The following SYNE1 variants were observed in gnomAD, a reference collection of about 807,000 sequenced individuals.
SYNE1 encodes the protein spectrin repeat containing nuclear envelope protein 1, also known as nesprin-1.
A neutral mutation model predicts 1,111.0 loss-of-function variants in SYNE1; 616 were observed. That is an observed-to-expected ratio of 0.55 (90% confidence interval 0.52 to 0.59). The LOEUF (loss-of-function observed/expected upper bound fraction) is 0.59. SYNE1 is among the 20% of genes least tolerant of loss of function. The pLI is 0.00. For synonymous variants in SYNE1, 3,855 were observed against 3,825.8 expected, an observed-to-expected ratio of 1.01 and a Z score of -0.28; for missense variants, 10,006 against 10,417.0, an observed-to-expected ratio of 0.96 and a Z score of 1.72.
intron 87 of SYNE1, among the ~76,000 whole-genome samples, chr6:152,312,554 G>GAT (rs201227923): frequency 2.6e-4 from 39 of 147,240 alleles, no homozygotes; most frequent in Middle Eastern, 3.6e-3. Flanking sequence ...ATATAGTAAG[G>GAT]ATATATATAT....
chr6:152,318,357 AT>A, intron 85 of SYNE1, 94 bp from the exon 86 acceptor site: 1 of 1,265,730 alleles, frequency 7.9e-7, no homozygotes. Context: ...AAAGCCAAAT[AT>A]TATAATGAAT....
In SYNE1 at chr6:152,398,700, CA is replaced by C; in HGVS notation, c.7268del (p.Leu2423TrpfsTer20). The C allele has an allele frequency of 6.2e-7, 1 of 1,613,656 alleles. No homozygotes were observed. Among genetic ancestry groups the C allele is most frequent in the Non-Finnish European group, 8.5e-7 (1 of 1,179,800 alleles). The stretch of plus-strand genomic sequence containing the variant: ...ATTCTTTTGCTGCTGCCTTTGCTCC[CA>C]AAAACCATTCTTGGAATTCCTGCAT... ...ESMQEFQEWF[L>X]GAKAAAKESS... is the part of the protein sequence containing the mutation. On this transcript the variant is annotated frameshift_variant, in exon 49 of 146. Coordinates refer to ENST00000367255, the MANE Select transcript of SYNE1 (RefSeq NM_182961.4). LOFTEE classifies it high-confidence loss of function.
intron 129 of SYNE1, 105 bp from the exon 130 acceptor site, chr6:152,176,665 T>C: frequency 8.5e-7 from 1 of 1,170,512 alleles, no homozygotes; most frequent in South Asian, 1.2e-5. Flanking sequence ...TGCTTGGAAG[T>C]AGTTTGAGCA....
intron 97 of SYNE1, among the ~76,000 whole-genome samples, chr6:152,279,195 T>C (rs1227514025): frequency 2.1e-5 from 3 of 142,156 alleles, no homozygotes; most frequent in African/African-American, 5.2e-5. Flanking sequence ...AAATGGAGAC[T>C]AAATTAGAGA....
chr6:152,563,556 T>C (rs1156373878), intron 3 of SYNE1, among the ~76,000 whole-genome samples: 1 of 152,190 alleles, frequency 6.6e-6, no homozygotes, highest in African/African-American at 2.4e-5. Flanking sequence ...TATCAACTCA[T>C]CACATTGCAC....
At chr6:152,243,811 C>G (rs2086393463) in intron 106 of SYNE1, among the ~76,000 whole-genome samples, 1 of 152,206 alleles carries the variant, frequency 6.6e-6, no homozygotes, top group African/African-American at 2.4e-5. Context: ...TGACTGTACA[C>G]AGTTGTACAC....
intron 107 of SYNE1, 117 bp from the exon 108 acceptor site, chr6:152,239,823 C>CT (rs2085136015): frequency 3.6e-6 from 4 of 1,098,472 alleles, no homozygotes; most frequent in Non-Finnish European, 5.4e-6. Context: ...GTTGGGGAGG[C>CT]TGAAGTGGGT....
chr6:152,433,459 A>C, intron 34 of SYNE1: 1 of 337,248 alleles, frequency 3.0e-6, no homozygotes, highest in East Asian at 7.0e-5. Flanking sequence ...GGATGAATAC[A>C]TTTCATGTTG....
At chr6:152,214,880 A>T (rs757076234) in intron 122 of SYNE1, 26 bp downstream of exon 122, 5 of 1,613,944 alleles carry the variant, frequency 3.1e-6, no homozygotes, top group Non-Finnish European at 4.2e-6. Context: ...AACTGGAGCA[A>T]CCAAGACATC....
chr6:152,596,098 T>TTA (rs2099580396), intron 3 of SYNE1, among the ~76,000 whole-genome samples: 1 of 18,590 alleles, frequency 5.4e-5, no homozygotes, highest in African/African-American at 1.7e-4. Flanking sequence ...AAGGGCAATC[T>TTA]AAAAAAAAAA....
At chr6:152,224,808 A>G (rs967235610) in intron 116 of SYNE1, 144 bp from the exon 117 acceptor site, 13 of 848,786 alleles carry the variant, frequency 1.5e-5, no homozygotes, top group Non-Finnish European at 2.3e-5. Context: ...AAAGAAAAAG[A>G]TTTAAAAGGT....
At chr6:152,537,123 A>T (rs2099247150) in intron 4 of SYNE1, among the ~76,000 whole-genome samples, 1 of 152,172 alleles carries the variant, frequency 6.6e-6, no homozygotes, top group Admixed American at 6.6e-5. Flanking sequence ...TCTTCTTGAA[A>T]AGTGAGAAAA....
chr6:152,373,101 G>T lies in SYNE1; in HGVS notation c.9443C>A (p.Thr3148Lys). Reference sequence around the variant, plus strand: ...ATTTTTCCAATCTTCTTTTGCAGCTGTAACTTTGGCCTGGATCCCTTTCGC... The same window carrying T: ...ATTTTTCCAATCTTCTTTTGCAGCTTTAACTTTGGCCTGGATCCCTTTCGC... ...EKAKGIQAKVTAAKEDWKNFH... is the reference protein window; with the variant it reads ...EKAKGIQAKVKAAKEDWKNFH... The change falls in exon 59 of 146, where the codon ACA becomes AAA. Residue 3148 changes from threonine to lysine, a missense_variant. Thr to Lys is a moderately conservative substitution (Grantham distance 78, BLOSUM62 -1). Around this residue, in one of 7 missense-constraint regions of SYNE1, gnomAD observed 4,955 missense variants for 5,017.2 expected, o/e 0.99. Transcript: ENST00000367255. The T allele has an allele frequency of 6.2e-7, 1 of 1,614,090 alleles. No individual in the cohort carries two copies. The highest frequency in any genetic ancestry group is 1.6e-4 in the Middle Eastern group (1 of 6,062).
At chr6:152,378,918 G>A (rs1025423836) in intron 56 of SYNE1, among the ~76,000 whole-genome samples, 4 of 152,182 alleles carry the variant, frequency 2.6e-5, no homozygotes, top group Admixed American at 2.0e-4. Context: ...TTAACTCGGT[G>A]TCTGGGCTGG....
intron 30 of SYNE1, among the ~76,000 whole-genome samples, chr6:152,443,665 A>T (rs2098552719): frequency 6.6e-6 from 1 of 152,142 alleles, no homozygotes; most frequent in South Asian, 2.1e-4. Context: ...ATATTACAGA[A>T]TATATATGTA....
rs748448690 is a variant in SYNE1, at chr6:152,143,603, A to G, written c.25119+20T>C. 1.9e-6 allele frequency: 3 copies of G among 1,614,146 alleles called. No homozygotes were observed. Among genetic ancestry groups the G allele is most frequent in the Non-Finnish European group, 2.5e-6 (3 of 1,180,012 alleles). The stretch of plus-strand genomic sequence containing the variant: ...CTGTGGTTTCGCACAGGTCGGAATC[A>G]GGATGGCCAGGATACTTACGTAGCC... On this transcript the variant is annotated intron_variant, in intron 138 of 145. Transcript: ENST00000367255.
At chr6:152,339,569 G>T (rs113486406) in intron 74 of SYNE1, among the ~76,000 whole-genome samples, 5 of 152,306 alleles carry the variant, frequency 3.3e-5, no homozygotes, top group African/African-American at 1.2e-4. Flanking sequence ...TCCACCATTT[G>T]CTTCTCCTTG....
chr6:152,180,178 A>G lies in SYNE1; in HGVS notation c.23418T>C (p.Asn7806=), dbSNP rs147189751. Residue 7806 remains asparagine (N), a synonymous_variant, in exon 129 of 146, where the codon AAT becomes AAC. Coordinates refer to ENST00000367255, the MANE Select transcript of SYNE1 (RefSeq NM_182961.4). ...TCATTTCTTCAATGAGAATGTCTCC[A>G]TTCTGAGAAACTTTGCTTTCCATTT... ...LTQMESKVSQ[N]GDILIEEMIE... is the part of the protein sequence containing the mutation. The G allele has an allele frequency of 6.2e-7, 1 of 1,614,116 alleles. No individual in the cohort carries two copies. The highest frequency in any genetic ancestry group is 8.5e-7 in the Non-Finnish European group (1 of 1,180,000).
chr6:152,600,510 C>T (rs1194343225), intron 3 of SYNE1, among the ~76,000 whole-genome samples: 4 of 152,186 alleles, frequency 2.6e-5, no homozygotes, highest in Admixed American at 6.5e-5. Context: ...AGGCTGATTA[C>T]GGATGAGTAG....
Sources: gnomAD v4.1 joint callset for allele counts (sites outside exome capture counted in the v4.1 genomes callset) on GRCh38, gnomAD v4.1.1 for gene constraint, gnomAD v4.1.1 regional missense constraint, MANE v1.5 for transcripts, NCBI Gene and HGNC (gene_info 2026-07-23, HGNC 2026-07-21) for gene names.